The following NKAIN3 variants were observed in gnomAD, a reference collection of about 807,000 sequenced individuals.
NKAIN3 encodes sodium/potassium-transporting ATPase subunit beta-1-interacting protein 3.
Under a neutral mutation model 30.2 loss-of-function variants are expected in NKAIN3, and 25 were observed. That is an observed-to-expected ratio of 0.83 (90% CI 0.60 to 1.16). The LOEUF (loss-of-function observed/expected upper bound fraction) is 1.16, where lower values mean the gene tolerates loss of function less well. Among genes scored for constraint, NKAIN3 ranks in the 50% most tolerant of loss-of-function variants. The pLI is 0.00. For synonymous variants in NKAIN3, 91 were observed against 89.6 expected (o/e 1.02, Z -0.09); for missense variants, 225 against 254.1 (o/e 0.89, Z 0.78).
chr8:62,322,300 G>C (rs113289663), intron 1 of NKAIN3, among the ~76,000 whole-genome samples: 4,564 of 152,176 alleles, frequency 0.03, 224 homozygotes, highest in African/African-American at 0.1. Flanking sequence ...CCTTGCCCTG[G>C]TTCGGCTCAC....
At chr8:62,300,041 T>G (rs1285261524) in intron 1 of NKAIN3, among the ~76,000 whole-genome samples, 1 of 152,062 alleles carries the variant, frequency 6.6e-6, no homozygotes, top group East Asian at 1.9e-4. Flanking sequence ...TGGTAAAACT[T>G]GAATGGCTAA....
chr8:62,497,699 T>C (rs572852910), intron 1 of NKAIN3, among the ~76,000 whole-genome samples: 3 of 152,256 alleles, frequency 2.0e-5, no homozygotes, highest in African/African-American at 7.2e-5. Flanking sequence ...CAAAGTATGC[T>C]GAGTGCCAAA....
chr8:62,945,110 T>G (rs1299701290), intron 5 of NKAIN3, among the ~76,000 whole-genome samples: 1 of 152,222 alleles, frequency 6.6e-6, no homozygotes, highest in African/African-American at 2.4e-5. Flanking sequence ...ACAAAAATTT[T>G]TCCCTTATAA....
chr8:62,955,437 GA>G (rs1435497140), intron 6 of NKAIN3, among the ~76,000 whole-genome samples: 2 of 151,940 alleles, frequency 1.3e-5, no homozygotes, highest in Non-Finnish European at 2.9e-5. Flanking sequence ...TTGGGAGTGA[GA>G]AAAGAACTAA....
intron 1 of NKAIN3, among the ~76,000 whole-genome samples, chr8:62,534,829 A>G (rs1433091050): frequency 2.0e-5 from 3 of 148,996 alleles, no homozygotes; most frequent in South Asian, 2.1e-4. Context: ...TTCTTTCTTC[A>G]TGGTAAAAAT....
At chr8:62,702,225 A>C (rs1814362182) in intron 3 of NKAIN3, among the ~76,000 whole-genome samples, 1 of 152,220 alleles carries the variant, frequency 6.6e-6, no homozygotes, top group Non-Finnish European at 1.5e-5. Context: ...CATTCGAAGA[A>C]TTTGAGTATG....
intron 3 of NKAIN3, among the ~76,000 whole-genome samples, chr8:62,677,989 A>G (rs908427424): frequency 1.3e-5 from 2 of 152,190 alleles, no homozygotes; most frequent in Non-Finnish European, 1.5e-5. Flanking sequence ...AAACATACCA[A>G]GATTCAAATT....
In NKAIN3 at chr8:62,848,591, G is replaced by T. The variant is rs575907104; in HGVS notation, c.472-69862G>T. On this transcript the variant is annotated intron_variant, in intron 4 of 6. Coordinates refer to ENST00000623646, the MANE Select transcript of NKAIN3 (RefSeq NM_001304533.3). ...TTGGCCGAGACGATGGGATATTCTA[G>T]ACATAGGATCATGTCATCTGCAAAC... 4.6e-5 allele frequency among the ~76,000 whole-genome samples: 7 copies of T among 152,240 alleles called. No homozygotes were observed. In the South Asian group the frequency reaches 1.5e-3, roughly 32 times the overall value.
In NKAIN3 at chr8:62,310,841, G is replaced by A. The variant is rs184158044; in HGVS notation, c.54+61714G>A. Among the ~76,000 whole-genome samples, 168 of 150,462 alleles carry A rather than the reference G, an allele frequency of 1.1e-3. 13 individuals are homozygous for A. Among genetic ancestry groups the A allele is most frequent in the African/African-American group, 4.1e-3 (163 of 39,842 alleles). On this transcript the variant is annotated intron_variant, in intron 1 of 6. Transcript: ENST00000623646. ...CTGCTGCAGATTCTGCTGAGAGGCTGAGAGTACATGTGGGTGGACAAGGAT... is the reference window on the plus strand; with the variant it reads ...CTGCTGCAGATTCTGCTGAGAGGCTAAGAGTACATGTGGGTGGACAAGGAT...
intron 1 of NKAIN3, among the ~76,000 whole-genome samples, chr8:62,448,241 C>T (rs1334104224): frequency 6.6e-6 from 1 of 151,704 alleles, no homozygotes; most frequent in Non-Finnish European, 1.5e-5. Context: ...CGCAGAGGAA[C>T]ATATCAGAAT....
rs142876077 is a variant in NKAIN3, at chr8:62,690,931, C to T, written c.274-56001C>T. Among the ~76,000 whole-genome samples, 406 of 152,168 alleles carry T rather than the reference C, an allele frequency of 2.7e-3. 3 individuals are homozygous for T. Among genetic ancestry groups the T allele is most frequent in the African/African-American group, 9.4e-3 (390 of 41,498 alleles). ...TTCCTTACCAATTTCCATTATGTGC[C>T]CTGATACTTTAGATCCTGAGCAGAA... On this transcript the variant is annotated intron_variant, in intron 3 of 6. Transcript: ENST00000623646.
chr8:62,301,867 T>A (rs973946052), intron 1 of NKAIN3, among the ~76,000 whole-genome samples: 1 of 152,012 alleles, frequency 6.6e-6, no homozygotes, highest in South Asian at 2.1e-4. Flanking sequence ...CTAACCAAAG[T>A]TGAAAAAAGC....
intron 5 of NKAIN3, among the ~76,000 whole-genome samples, chr8:62,942,401 C>T (rs966922908): frequency 6.6e-6 from 1 of 150,742 alleles, no homozygotes; most frequent in Non-Finnish European, 1.5e-5. Flanking sequence ...GATGGAAACA[C>T]CCCATGCTCA....
In NKAIN3 at chr8:62,577,536, C is replaced by CG. The variant is rs1267621548; in HGVS notation, c.55-2003_55-2002insG. ...GCCTGCAGCTGCTCTTCAGGGTTTC[C>CG]TTTTTTTTTTTTTTTTTAGTATTTT... On this transcript the variant is annotated intron_variant, in intron 1 of 6. Coordinates refer to ENST00000623646, the MANE Select transcript of NKAIN3 (RefSeq NM_001304533.3). Among the ~76,000 whole-genome samples the CG allele has an allele frequency of 8.2e-4, 91 of 111,182 alleles. 1 individual carries two copies. The Middle Eastern group carries it at 0.022, about 27-fold the overall frequency. The allele number at this position is 111,182 out of a possible 152,430, so 72.9% of individuals were successfully genotyped here.
chr8:62,763,772 C>G (rs2130621892), intron 4 of NKAIN3, among the ~76,000 whole-genome samples: 1 of 152,274 alleles, frequency 6.6e-6, no homozygotes, highest in African/African-American at 2.4e-5. Context: ...AAAAGCAGCT[C>G]AACAGTCAAA....
At chr8:62,476,805 G>A (rs950140286) in intron 1 of NKAIN3, among the ~76,000 whole-genome samples, 1 of 151,986 alleles carries the variant, frequency 6.6e-6, no homozygotes, top group African/African-American at 2.4e-5. Flanking sequence ...CAGCTTTTTT[G>A]AGTAACTTAC....
At chr8:62,669,237 T>C (rs1813223600) in intron 3 of NKAIN3, among the ~76,000 whole-genome samples, 1 of 152,228 alleles carries the variant, frequency 6.6e-6, no homozygotes, top group African/African-American at 2.4e-5. Flanking sequence ...TAGAGTTCCC[T>C]GTTCATTTGA....
intron 1 of NKAIN3, among the ~76,000 whole-genome samples, chr8:62,441,491 A>G (rs1467222404): frequency 1.3e-5 from 2 of 151,968 alleles, no homozygotes; most frequent in Non-Finnish European, 2.9e-5. Flanking sequence ...TTACACAACT[A>G]TTATTGTAAT....
intron 4 of NKAIN3, among the ~76,000 whole-genome samples, chr8:62,769,217 T>C (rs983810043): frequency 6.6e-5 from 10 of 152,236 alleles, no homozygotes; most frequent in Non-Finnish European, 1.0e-4. Flanking sequence ...ATGAAAAAGT[T>C]AAATAAGACA....
Sources: allele counts gnomAD v4.1 joint callset (sites outside exome capture counted in the v4.1 genomes callset), GRCh38; gene constraint gnomAD v4.1.1; transcripts MANE v1.5; gene names NCBI Gene and HGNC (gene_info 2026-07-23, HGNC 2026-07-21).